NIPAL2: variants seen among roughly 807,000 people sequenced by gnomAD.
The protein encoded by NIPAL2 is NIPA like domain containing 2.
NIPAL2 carries 43 observed loss-of-function variants against 48.9 expected under a neutral mutation model. The observed-to-expected ratio is 0.88, with a 90% CI of 0.69 to 1.13. The LOEUF (loss-of-function observed/expected upper bound fraction) is 1.13. Among genes scored for constraint, NIPAL2 ranks in the 50% most tolerant of loss-of-function variants. NIPAL2 has a pLI of 0.00. For missense variants in NIPAL2, 446 were observed against 461.4 expected (o/e 0.97, Z 0.31); for synonymous variants, 167 against 174.6 (o/e 0.96, Z 0.34).
chr8:98,290,967 T>C (rs1274670359), intron 1 of NIPAL2, among the ~76,000 whole-genome samples: 1 of 152,206 alleles, frequency 6.6e-6, no homozygotes, highest in Non-Finnish European at 1.5e-5. Context: ...TTGAAGACTT[T>C]GAAGCCTCTC....
intron 5 of NIPAL2, among the ~76,000 whole-genome samples, chr8:98,219,853 C>G (rs1169152924): frequency 1.3e-5 from 2 of 152,120 alleles, no homozygotes; most frequent in Non-Finnish European, 1.5e-5. Flanking sequence ...TCTGCTGTTC[C>G]CTCTGCTAGC....
At chr8:98,280,755 T>TAGAGAG (rs1364661957) in intron 1 of NIPAL2, among the ~76,000 whole-genome samples, 32 of 32,288 alleles carry the variant, frequency 9.9e-4, no homozygotes, top group Non-Finnish European at 1.6e-3. Flanking sequence ...TATATATATA[T>TAGAGAG]ATATATAGAG....
chr8:98,218,304 T>C (rs559630346), intron 5 of NIPAL2, among the ~76,000 whole-genome samples: 1 of 152,346 alleles, frequency 6.6e-6, no homozygotes, highest in African/African-American at 2.4e-5. Flanking sequence ...TCATGAAATT[T>C]TCTGTAAAGT....
In NIPAL2 at chr8:98,212,461, T is replaced by C. The variant is rs749741593; in HGVS notation, c.599A>G (p.Tyr200Cys). ...ILIFCILLYFYKRKGMKHMVI... is the reference protein window; with the variant it reads ...ILIFCILLYFCKRKGMKHMVI... Reference sequence around the variant, plus strand: ...CATATGCTTCATTCCTTTTCTTTTATAGAAATACAGGAGAATGCAGAAAAT... The same window carrying C: ...CATATGCTTCATTCCTTTTCTTTTACAGAAATACAGGAGAATGCAGAAAAT... Residue 200 changes from tyrosine (Y) to cysteine (C), a missense_variant, in exon 6 of 11, where the codon TAT becomes TGT. Coordinates refer to ENST00000430223, the MANE Select transcript of NIPAL2 (RefSeq NM_001321635.2). 1.1e-5 allele frequency: 17 copies of C among 1,575,724 alleles called. No individual in the cohort carries two copies. Among genetic ancestry groups the C allele is most frequent in the Non-Finnish European group, 1.5e-5 (17 of 1,145,882 alleles).
intron 1 of NIPAL2, among the ~76,000 whole-genome samples, chr8:98,268,348 C>T (rs149102358): frequency 2.4e-3 from 372 of 152,084 alleles, no homozygotes; most frequent in African/African-American, 8.5e-3. Context: ...AGGCAGGGTG[C>T]GGTGGCTCAT....
At chr8:98,214,728 A>G (rs888674657) in intron 5 of NIPAL2, among the ~76,000 whole-genome samples, 1 of 152,122 alleles carries the variant, frequency 6.6e-6, no homozygotes, top group Non-Finnish European at 1.5e-5. Flanking sequence ...GCAGGCCCTT[A>G]TCTTCCTCAT....
intron 10 of NIPAL2, among the ~76,000 whole-genome samples, chr8:98,193,740 C>A (rs368125087): frequency 1.3e-5 from 2 of 150,452 alleles, no homozygotes; most frequent in African/African-American, 2.4e-5. Context: ...GAGGGGGAGG[C>A]TGCAGTAAGC....
At chr8:98,253,874 T>C (rs1813731491) in intron 2 of NIPAL2, 145 bp downstream of exon 2, 1 of 506,168 alleles carries the variant, frequency 2.0e-6, no homozygotes, top group African/African-American at 2.0e-5. Context: ...TATTTGTGTT[T>C]ATACCAATGA....
intron 3 of NIPAL2, among the ~76,000 whole-genome samples, chr8:98,248,427 T>A (rs1813409974): frequency 6.6e-6 from 1 of 152,250 alleles, no homozygotes. Context: ...AAATACTATC[T>A]AACCAATACC....
At chr8:98,268,144 G>T (rs1814887555) in intron 1 of NIPAL2, among the ~76,000 whole-genome samples, 1 of 152,126 alleles carries the variant, frequency 6.6e-6, no homozygotes, top group Non-Finnish European at 1.5e-5. Context: ...TTTTCATAAA[G>T]AATGCTGAAG....
At chr8:98,225,827 T>G (rs1456844402) in intron 4 of NIPAL2, among the ~76,000 whole-genome samples, 4 of 152,160 alleles carry the variant, frequency 2.6e-5, no homozygotes, top group African/African-American at 9.7e-5. Flanking sequence ...CTCTACCTCC[T>G]CTTTAAGGCC....
At chr8:98,193,173 AT>A in intron 10 of NIPAL2, 83 bp from the exon 11 acceptor site, 2 of 1,177,862 alleles carry the variant, frequency 1.7e-6, no homozygotes, top group South Asian at 1.2e-5. Flanking sequence ...TCTAGGCCAC[AT>A]TTTATCACCT....
chr8:98,264,743 C>G (rs927612489), intron 1 of NIPAL2, among the ~76,000 whole-genome samples: 1 of 151,978 alleles, frequency 6.6e-6, no homozygotes, highest in African/African-American at 2.4e-5. Flanking sequence ...CCCCATCAAG[C>G]TACCAATGCC....
At chr8:98,226,158 C>T (rs1423249442) in intron 4 of NIPAL2, among the ~76,000 whole-genome samples, 2 of 152,098 alleles carry the variant, frequency 1.3e-5, no homozygotes, top group Non-Finnish European at 2.9e-5. Context: ...CTCGAAACAG[C>T]TATTTGAATT....
In NIPAL2 at chr8:98,222,234, C is replaced by T. The variant is rs187499335; in HGVS notation, c.558+245G>A. Among the ~76,000 whole-genome samples the T allele has an allele frequency of 8.2e-3, 1,248 of 152,108 alleles. 10 individuals are homozygous for T. The highest frequency in any genetic ancestry group is 0.012 in the Non-Finnish European group (841 of 67,984). On this transcript the variant is annotated intron_variant, in intron 5 of 10. Coordinates refer to ENST00000430223, the MANE Select transcript of NIPAL2 (RefSeq NM_001321635.2). ...TTTTTTACTCTGAGTTTTCCTAAAA[C>T]GTATTGCTCTGGAACTTGGTGGATT...
chr8:98,273,594 C>T (rs1227598303), intron 1 of NIPAL2, among the ~76,000 whole-genome samples: 1 of 152,018 alleles, frequency 6.6e-6, no homozygotes, highest in Admixed American at 6.6e-5. Context: ...AGATATTTGT[C>T]CAAAGAAACA....
At chr8:98,247,375 G>A (rs1813360926) in intron 3 of NIPAL2, among the ~76,000 whole-genome samples, 1 of 152,222 alleles carries the variant, frequency 6.6e-6, no homozygotes, top group African/African-American at 2.4e-5. Flanking sequence ...CTGGGTCTCA[G>A]TTAAATGGTG....
intron 4 of NIPAL2, among the ~76,000 whole-genome samples, chr8:98,235,228 A>G (rs1410086455): frequency 2.0e-5 from 3 of 151,972 alleles, no homozygotes; most frequent in Non-Finnish European, 4.4e-5. Context: ...ATTTGTATTC[A>G]TTATCATATG....
rs887307780 is a variant in NIPAL2, at chr8:98,220,299, C to T, written c.558+2180G>A. Among the ~76,000 whole-genome samples the T allele has an allele frequency of 3.3e-5, 5 of 152,180 alleles. No individual in the cohort carries two copies. The East Asian group carries it at 7.7e-4, about 23-fold the overall frequency. ...CAATGTCACACTTTTCAATACTAGGCATATAAAGTAGGATCATACTATTTT... is the reference window on the plus strand; with the variant it reads ...CAATGTCACACTTTTCAATACTAGGTATATAAAGTAGGATCATACTATTTT... On this transcript the variant is annotated intron_variant, in intron 5 of 10. Transcript: ENST00000430223.
Sources: gnomAD v4.1 joint callset for allele counts (sites outside exome capture counted in the v4.1 genomes callset) on GRCh38, gnomAD v4.1.1 for gene constraint, MANE v1.5 for transcripts, NCBI Gene and HGNC (gene_info 2026-07-23, HGNC 2026-07-21) for gene names.